CPXM2: variants seen among roughly 807,000 people sequenced by gnomAD.
CPXM2 encodes carboxypeptidase X, M14 family member 2.
CPXM2 carries 66 observed loss-of-function variants against 86.1 expected under a neutral mutation model. That is an observed-to-expected ratio of 0.77 (90% CI 0.63 to 0.94). The LOEUF is 0.94. Ranked by LOEUF, CPXM2 falls within the 40% of genes least tolerant of loss-of-function variation. The pLI is 0.00. For synonymous variants in CPXM2, 388 were observed against 400.2 expected (o/e 0.97, Z 0.36); for missense variants, 948 against 1,026.3 (o/e 0.92, Z 1.04).
At chr10:123,790,975 G>A (rs566178259) in intron 6 of CPXM2, among the ~76,000 whole-genome samples, 2 of 152,276 alleles carry the variant, frequency 1.3e-5, no homozygotes, top group South Asian at 4.1e-4. Flanking sequence ...TACCATGACA[G>A]AAGAGAGAAT....
chr10:123,787,780 G>A (rs1035981361), intron 6 of CPXM2, among the ~76,000 whole-genome samples: 5 of 152,026 alleles, frequency 3.3e-5, no homozygotes, highest in South Asian at 4.2e-4. Context: ...CCAGAAGCCC[G>A]GGCTCAGGAT....
At chr10:123,914,027 A>G (rs772718910) in intron 2 of CPXM2, 10 of 497,282 alleles carry the variant, frequency 2.0e-5, no homozygotes, top group Non-Finnish European at 4.0e-5. Flanking sequence ...TCAGAATCCA[A>G]CCTTAAAGGC....
intron 11 of CPXM2, among the ~76,000 whole-genome samples, chr10:123,761,460 C>G (rs1360193298): frequency 6.6e-6 from 1 of 152,204 alleles, no homozygotes; most frequent in Non-Finnish European, 1.5e-5. Flanking sequence ...GCGCCAGCAC[C>G]AGCATGCTCT....
chr10:123,878,297 T>TC (rs1491332456), intron 2 of CPXM2, among the ~76,000 whole-genome samples: 2,575 of 16,798 alleles, frequency 0.15, 108 homozygotes, highest in African/African-American at 0.33. Context: ...TTTTTCTCTC[T>TC]TTTTTTTTTT....
At chr10:123,751,820 G>T (rs1339554917) in intron 13 of CPXM2, 1 of 985,188 alleles carries the variant, frequency 1.0e-6, no homozygotes, top group Non-Finnish European at 1.2e-6. Context: ...TGTAAAGTAT[G>T]GAGTTTATCT....
intron 7 of CPXM2, among the ~76,000 whole-genome samples, chr10:123,778,548 G>GA (rs1846857791): frequency 6.6e-6 from 1 of 152,186 alleles, no homozygotes; most frequent in Non-Finnish European, 1.5e-5. Context: ...GAGTAATGAA[G>GA]CATACTCCGC....
chr10:123,936,475 C>A (rs1210803741), intron 2 of CPXM2, among the ~76,000 whole-genome samples: 1 of 152,182 alleles, frequency 6.6e-6, no homozygotes, highest in Non-Finnish European at 1.5e-5. Context: ...CTCTAGACAA[C>A]AGCCACACAG....
chr10:123,846,938 G>T (rs566203623), intron 3 of CPXM2, among the ~76,000 whole-genome samples: 44 of 152,218 alleles, frequency 2.9e-4, no homozygotes, highest in African/African-American at 1.0e-3. Context: ...AAAAATACAA[G>T]CAGGCCCAGG....
chr10:123,864,998 G>A (rs1356571524), intron 2 of CPXM2, among the ~76,000 whole-genome samples: 1 of 152,174 alleles, frequency 6.6e-6, no homozygotes, highest in Non-Finnish European at 1.5e-5. Context: ...CCTCTCACGG[G>A]CTGAGTTTCC....
At chr10:123,932,855 G>C (rs560006553) in intron 2 of CPXM2, among the ~76,000 whole-genome samples, 1 of 152,258 alleles carries the variant, frequency 6.6e-6, no homozygotes, top group African/African-American at 2.4e-5. Context: ...GGGGAAGCAG[G>C]GCTTGTAGGC....
chr10:123,939,607 T>C (rs28565891), intron 1 of CPXM2: 19,327 of 152,272 alleles, frequency 0.13, 1,364 homozygotes, highest in South Asian at 0.17. Context: ...CATGAGACTC[T>C]GCGTCTAAAG....
intron 4 of CPXM2, among the ~76,000 whole-genome samples, chr10:123,806,724 C>T (rs1372971226): frequency 6.6e-6 from 1 of 152,092 alleles, no homozygotes; most frequent in Non-Finnish European, 1.5e-5. Flanking sequence ...GAACAAGGCA[C>T]ATCTTACGTG....
At chr10:123,842,838 C>T (rs1466386949) in intron 3 of CPXM2, among the ~76,000 whole-genome samples, 1 of 152,186 alleles carries the variant, frequency 6.6e-6, no homozygotes, top group African/African-American at 2.4e-5. Context: ...TGAATCGTTC[C>T]CTCCCAGAAC....
upstream of CPXM2, among the ~76,000 whole-genome samples, chr10:123,896,403 A>G (rs1016696387): frequency 2.0e-5 from 3 of 152,174 alleles, no homozygotes; most frequent in Non-Finnish European, 4.4e-5. Context: ...ACAAAGCTGG[A>G]GGGTTTTTCT....
chr10:123,806,929 A>C (rs2134084506), intron 4 of CPXM2, among the ~76,000 whole-genome samples: 1 of 152,308 alleles, frequency 6.6e-6, no homozygotes. Context: ...GAGCCAAACC[A>C]TATCAAAGAC....
intron 13 of CPXM2, among the ~76,000 whole-genome samples, chr10:123,749,409 T>C (rs1846028123): frequency 6.6e-6 from 1 of 152,094 alleles, no homozygotes; most frequent in African/African-American, 2.4e-5. Flanking sequence ...GCCTTTGTGA[T>C]TCCCCTTATC....
intron 6 of CPXM2, among the ~76,000 whole-genome samples, chr10:123,784,711 G>A (rs1847010806): frequency 6.6e-6 from 1 of 152,216 alleles, no homozygotes; most frequent in Admixed American, 6.5e-5. Context: ...TCACGAAGCA[G>A]CCTCTGGTGC....
rs554380751 is a variant in CPXM2 at position 123,903,277 on chromosome 10, G to T, written n.175-22968C>A. Among the ~76,000 whole-genome samples, 3 of 152,320 alleles carry T rather than the reference G, an allele frequency of 2.0e-5. No individual in the cohort carries two copies. The South Asian group carries it at 6.2e-4, about 32-fold the overall frequency. ...CCAATTACCTCCTCCAGGGCTGTTG[G>T]CATCCCTCTTGCATGCAGAAGGTGC... On this transcript the variant is annotated intron_variant and non_coding_transcript_variant, in intron 2 of 19. Transcript: ENST00000368854.
At chr10:123,916,740 C>T (rs145354174) in intron 2 of CPXM2, among the ~76,000 whole-genome samples, 58 of 152,118 alleles carry the variant, frequency 3.8e-4, no homozygotes, top group Admixed American at 5.2e-4. Context: ...ATTCCTCTAG[C>T]TCAAGCCACC....
Sources: allele counts gnomAD v4.1 joint callset (sites outside exome capture counted in the v4.1 genomes callset), GRCh38; gene constraint gnomAD v4.1.1; transcripts MANE v1.5; gene names NCBI Gene and HGNC (gene_info 2026-07-23, HGNC 2026-07-21).